SH3BP4: variants seen among roughly 807,000 people sequenced by gnomAD.
SH3BP4 encodes SH3 domain-binding protein 4.
Under a neutral mutation model 65.5 loss-of-function variants are expected in SH3BP4, and 33 were observed. The observed-to-expected ratio is 0.50, with a 90% CI of 0.38 to 0.67. The LOEUF is 0.67. Ranked by LOEUF, SH3BP4 falls within the 30% of genes least tolerant of loss-of-function variation. SH3BP4 has a pLI of 0.00. For missense variants in SH3BP4, 1,134 were observed against 1,261.4 expected, an observed-to-expected ratio of 0.90 and a Z score of 1.53; for synonymous variants, 552 against 545.5, an observed-to-expected ratio of 1.01 and a Z score of -0.17.
chr2:235,019,433 A>AT (rs564639628), intron 2 of SH3BP4, among the ~76,000 whole-genome samples: 13,367 of 129,098 alleles, frequency 0.1, 1,025 homozygotes, highest in East Asian at 0.28. Context: ...GGAAGGGCGA[A>AT]TTTTTTTTTT....
intron 2 of SH3BP4, among the ~76,000 whole-genome samples, chr2:235,020,996 A>G (rs1031960344): frequency 6.6e-6 from 1 of 152,212 alleles, no homozygotes; most frequent in African/African-American, 2.4e-5. Context: ...TTGTTGGAAC[A>G]TGATCCTACT....
Position 235,013,219 on chromosome 2 carries a change from G to A in SH3BP4, c.-133+17843G>A, listed in dbSNP as rs139313754. On this transcript the variant is annotated intron_variant, in intron 2 of 5. Coordinates refer to ENST00000392011, the MANE Select transcript of SH3BP4 (RefSeq NM_014521.3). ...GAAGGGAGGAGGTCTTCAGGCCTCCGCTGTCCGAGTGGCTTTCTCCCTGGC... is the reference window on the plus strand; with the variant it reads ...GAAGGGAGGAGGTCTTCAGGCCTCCACTGTCCGAGTGGCTTTCTCCCTGGC... Among the ~76,000 whole-genome samples the A allele has an allele frequency of 8.9e-4, 136 of 152,306 alleles. 1 individual carries two copies. The highest frequency in any genetic ancestry group is 2.1e-3 in the African/African-American group (86 of 41,570).
Position 235,045,526 on chromosome 2 carries a change from A to C in SH3BP4, c.2478+2279A>C, listed in dbSNP as rs1018245759. ...TCCTTCCGCTACCCAGAAAGGAGGAAGTGAAACTTGCCCTTGGCCAGGTCG... is the reference window on the plus strand; with the variant it reads ...TCCTTCCGCTACCCAGAAAGGAGGACGTGAAACTTGCCCTTGGCCAGGTCG... On this transcript the variant is annotated intron_variant, in intron 4 of 5. Transcript: ENST00000392011. This position sits in a 1 kb window ranked among gnomAD's most constrained non-coding sequence, Gnocchi z 4.3. 1.3e-4 allele frequency among the ~76,000 whole-genome samples: 20 copies of C among 152,086 alleles called. No individual in the cohort carries two copies. Among genetic ancestry groups the C allele is most frequent in the African/African-American group, 4.8e-4 (20 of 41,404 alleles).
chr2:234,965,109 C>T (rs918200782), intron 1 of SH3BP4, among the ~76,000 whole-genome samples: 1 of 152,144 alleles, frequency 6.6e-6, no homozygotes, highest in Admixed American at 6.5e-5. Context: ...CTTTTATTAC[C>T]CAAAACAACA....
chr2:234,989,234 C>T lies in SH3BP4; in HGVS notation c.-206-6069C>T, dbSNP rs114047015. 6.4e-3 allele frequency among the ~76,000 whole-genome samples: 979 copies of T among 152,200 alleles called. 18 individuals are homozygous for T. Among genetic ancestry groups the T allele is most frequent in the African/African-American group, 0.022 (921 of 41,510 alleles). On this transcript the variant is annotated intron_variant, in intron 1 of 5. Coordinates refer to ENST00000392011, the MANE Select transcript of SH3BP4 (RefSeq NM_014521.3). ...TGCATGAGGACTGATTGTGCGAACC[C>T]GAAGCTGTAGGAGGATGGCGTCACT...
rs1254433470 is a variant in SH3BP4 at position 234,952,061 on chromosome 2, G to T, written c.-316G>T. The T allele has an allele frequency of 6.8e-6, 1 of 146,982 alleles. No homozygotes were observed. Among genetic ancestry groups the T allele is most frequent in the African/African-American group, 2.5e-5 (1 of 40,664 alleles). The allele number at this position is 146,982 out of a possible 1,614,324, so 9.1% of individuals were successfully genotyped here. A position where few individuals can be genotyped will look rare whatever the true frequency, so the allele number is the denominator to read the frequency against. ...GCGGTCCGGGCCCCTCGCCACTACC[G>T]CCGCCGCCGCCGCCGTGAGTCCCGC... On this transcript the variant is annotated 5_prime_UTR_variant, in exon 1 of 6. Transcript: ENST00000392011. This position sits in a 1 kb window ranked among gnomAD's most constrained non-coding sequence, Gnocchi z 6.5.
At chr2:234,960,325 T>G (rs1476221769) in intron 1 of SH3BP4, among the ~76,000 whole-genome samples, 2 of 152,232 alleles carry the variant, frequency 1.3e-5, no homozygotes, top group African/African-American at 4.8e-5. Context: ...TTTTATCTTG[T>G]GGTTTGAGGA....
At chr2:235,000,933 T>C (rs114343241) in intron 2 of SH3BP4, among the ~76,000 whole-genome samples, 110 of 152,288 alleles carry the variant, frequency 7.2e-4, no homozygotes, top group African/African-American at 2.5e-3. Context: ...CCTCTTTCCT[T>C]CCCCCAGGCA....
intron 1 of SH3BP4, among the ~76,000 whole-genome samples, chr2:234,968,377 C>CTT (rs551034590): frequency 1.8e-4 from 19 of 105,760 alleles, no homozygotes; most frequent in East Asian, 1.1e-3. Context: ...CAGAGTTGTT[C>CTT]TTTTTTTTTT....
In SH3BP4 at chr2:234,974,013, A is replaced by G. The variant is rs1012946820; in HGVS notation, c.-206-21290A>G. Among the ~76,000 whole-genome samples, 2 of 152,084 alleles carry G rather than the reference A, an allele frequency of 1.3e-5. No homozygotes were observed. Among genetic ancestry groups the G allele is most frequent in the African/African-American group, 4.8e-5 (2 of 41,420 alleles). On this transcript the variant is annotated intron_variant, in intron 1 of 5. Coordinates refer to ENST00000392011, the MANE Select transcript of SH3BP4 (RefSeq NM_014521.3). This position sits in a 1 kb window ranked among gnomAD's most constrained non-coding sequence, Gnocchi z 4.6. ...CCAAGTGCTCCGGGTCTAGTAAGTCAACAGGGGAGGCTTTCAGAACTCAGC... is the reference window on the plus strand; with the variant it reads ...CCAAGTGCTCCGGGTCTAGTAAGTCGACAGGGGAGGCTTTCAGAACTCAGC...
chr2:235,031,909 C>G (rs886953573), intron 2 of SH3BP4, among the ~76,000 whole-genome samples: 2 of 152,272 alleles, frequency 1.3e-5, no homozygotes, highest in African/African-American at 4.8e-5. Flanking sequence ...AGAGCCAGGA[C>G]ATGCCTGGAA....
chr2:235,010,123 C>G (rs1694430716), intron 2 of SH3BP4, among the ~76,000 whole-genome samples: 1 of 152,108 alleles, frequency 6.6e-6, no homozygotes, highest in African/African-American at 2.4e-5. Flanking sequence ...GCCTGACTTG[C>G]AGATTAGAGA....
At chr2:235,051,139 C>T (rs1180965083) in intron 4 of SH3BP4, among the ~76,000 whole-genome samples, 1 of 152,196 alleles carries the variant, frequency 6.6e-6, no homozygotes, top group Non-Finnish European at 1.5e-5. Flanking sequence ...CAGCATGCGG[C>T]TCTCCTGCCT....
intron 1 of SH3BP4, among the ~76,000 whole-genome samples, chr2:234,968,730 G>A (rs1313145913): frequency 2.0e-5 from 3 of 152,102 alleles, no homozygotes; most frequent in Non-Finnish European, 4.4e-5. Flanking sequence ...CCACACTCAC[G>A]GCTTTTACCA....
At chr2:235,000,683 C>T (rs2106282494) in intron 2 of SH3BP4, among the ~76,000 whole-genome samples, 1 of 152,332 alleles carries the variant, frequency 6.6e-6, no homozygotes, top group East Asian at 1.9e-4. Context: ...CTCCTTTCCA[C>T]TCTGTTGGAG....
chr2:235,040,282 G>A (rs1695590062), intron 3 of SH3BP4, among the ~76,000 whole-genome samples: 1 of 152,028 alleles, frequency 6.6e-6, no homozygotes, highest in Non-Finnish European at 1.5e-5. Flanking sequence ...GAGGTTGGAA[G>A]GAACTGACTT....
At chr2:235,013,553 C>T (rs139761124) in intron 2 of SH3BP4, among the ~76,000 whole-genome samples, 10 of 152,298 alleles carry the variant, frequency 6.6e-5, no homozygotes, top group African/African-American at 9.6e-5. Flanking sequence ...CCGCTGCAGA[C>T]GAGTTGGGCC....
Position 235,034,544 on chromosome 2 carries a change from C to T in SH3BP4, c.-132-327C>T, listed in dbSNP as rs1695310068. Reference sequence around the variant, plus strand: ...GAACTGTACAGTCCTGCGCTGTCCTCCTCTTTGACTGTAATGAATGGACTG... The same window carrying T: ...GAACTGTACAGTCCTGCGCTGTCCTTCTCTTTGACTGTAATGAATGGACTG... On this transcript the variant is annotated intron_variant, in intron 2 of 5. Transcript: ENST00000392011. The surrounding 1 kb of genome is among the most constrained non-coding windows in gnomAD (Gnocchi z 6.2). Among the ~76,000 whole-genome samples the T allele has an allele frequency of 6.6e-6, 1 of 152,238 alleles. No individual in the cohort carries two copies. Among genetic ancestry groups the T allele is most frequent in the South Asian group, 2.1e-4 (1 of 4,832 alleles).
chr2:234,986,753 G>A (rs954599668), intron 1 of SH3BP4, among the ~76,000 whole-genome samples: 5 of 152,072 alleles, frequency 3.3e-5, no homozygotes, highest in Non-Finnish European at 5.9e-5. Flanking sequence ...AAAAGCGACC[G>A]AGAGGCCAGA....
Sources: gnomAD v4.1 joint callset for allele counts (sites outside exome capture counted in the v4.1 genomes callset) on GRCh38, gnomAD v4.1.1 for gene constraint, Gnocchi (gnomAD v3.1) non-coding constraint, MANE v1.5 for transcripts, NCBI Gene and HGNC (gene_info 2026-07-23, HGNC 2026-07-21) for gene names.